The following GPC5 variants were observed in gnomAD, a reference collection of about 807,000 sequenced individuals.
The protein encoded by GPC5 is glypican-5.
GPC5 carries 47 observed loss-of-function variants against 53.9 expected under a neutral mutation model. The observed-to-expected ratio is 0.87, with a 90% confidence interval of 0.69 to 1.11. The LOEUF (loss-of-function observed/expected upper bound fraction) is 1.11. Among genes scored for constraint, GPC5 ranks in the 50% most tolerant of loss-of-function variants. The pLI, the probability that GPC5 is intolerant of heterozygous loss-of-function variation, is 0.00. For synonymous variants in GPC5, 286 were observed against 263.3 expected (o/e 1.09, Z -0.84); for missense variants, 748 against 713.1 (o/e 1.05, Z -0.56).
chr13:92,246,187 G>T (rs2042649453), intron 7 of GPC5, among the ~76,000 whole-genome samples: 1 of 152,102 alleles, frequency 6.6e-6, no homozygotes, highest in Non-Finnish European at 1.5e-5. Flanking sequence ...ACATAGGAAA[G>T]TCAAATTTAA....
In GPC5 at chr13:91,507,352, T is replaced by G. The variant is rs377676603; in HGVS notation, c.325+58430T>G. 1.1e-3 allele frequency among the ~76,000 whole-genome samples: 175 copies of G among 152,296 alleles called. 5 individuals carry two copies. In the South Asian group the frequency reaches 0.034, roughly 29 times the overall value. On this transcript the variant is annotated intron_variant, in intron 2 of 7. Coordinates refer to ENST00000377067, the MANE Select transcript of GPC5 (RefSeq NM_004466.6). The stretch of plus-strand genomic sequence containing the variant: ...CTGCTGATAAAGACATACCCGAGAC[T>G]GGGTAACTTACAAAATGAAGAGGTT...
intron 2 of GPC5, among the ~76,000 whole-genome samples, chr13:91,643,639 C>A (rs1219773441): frequency 6.6e-6 from 1 of 152,194 alleles, no homozygotes; most frequent in African/African-American, 2.4e-5. Context: ...GTTTTTGAGG[C>A]TGGGAAGTCC....
chr13:92,418,517 AAGAT>A (rs1317040261), intron 7 of GPC5, among the ~76,000 whole-genome samples: 1 of 152,200 alleles, frequency 6.6e-6, no homozygotes, highest in African/African-American at 2.4e-5. Context: ...TGAAAGGACA[AAGAT>A]AGAGATCCTG....
At chr13:91,437,297 A>T (rs948494616) in intron 1 of GPC5, among the ~76,000 whole-genome samples, 2 of 152,134 alleles carry the variant, frequency 1.3e-5, no homozygotes, top group African/African-American at 2.4e-5. Flanking sequence ...GGTCTTTACA[A>T]TTTGGCATGT....
chr13:91,879,955 A>G (rs1488017436), intron 5 of GPC5, among the ~76,000 whole-genome samples: 1 of 152,098 alleles, frequency 6.6e-6, no homozygotes, highest in South Asian at 2.1e-4. Context: ...TTTTTATATT[A>G]ACTTCATCAA....
chr13:91,487,127 A>G (rs1252276638), intron 2 of GPC5, among the ~76,000 whole-genome samples: 1 of 152,146 alleles, frequency 6.6e-6, no homozygotes, highest in Non-Finnish European at 1.5e-5. Flanking sequence ...AACTGACAAA[A>G]TGCAGATTAA....
chr13:92,281,867 C>T (rs2042918084), intron 7 of GPC5, among the ~76,000 whole-genome samples: 1 of 152,192 alleles, frequency 6.6e-6, no homozygotes, highest in South Asian at 2.1e-4. Flanking sequence ...AATGCAGCTC[C>T]TTGCCAGCAA....
intron 7 of GPC5, among the ~76,000 whole-genome samples, chr13:92,559,078 C>A (rs1566293348): frequency 1.3e-5 from 2 of 151,870 alleles, no homozygotes; most frequent in Non-Finnish European, 2.9e-5. Context: ...AGCAAGAGAC[C>A]AATGCCCACC....
intron 6 of GPC5, among the ~76,000 whole-genome samples, chr13:92,001,421 C>T (rs1229137447): frequency 6.6e-6 from 1 of 152,040 alleles, no homozygotes; most frequent in African/African-American, 2.4e-5. Context: ...AGAGATATAT[C>T]AAGATTCCAT....
intron 7 of GPC5, among the ~76,000 whole-genome samples, chr13:92,223,875 G>A (rs542499849): frequency 3.9e-5 from 6 of 152,140 alleles, no homozygotes; most frequent in Non-Finnish European, 7.4e-5. Context: ...TGGCCTTACC[G>A]CTGAGAAGCA....
At chr13:91,436,513 A>G (rs1879978848) in intron 1 of GPC5, among the ~76,000 whole-genome samples, 1 of 152,114 alleles carries the variant, frequency 6.6e-6, no homozygotes, top group Non-Finnish European at 1.5e-5. Flanking sequence ...GAGTTTCTTA[A>G]TCCTGAGTTC....
intron 5 of GPC5, among the ~76,000 whole-genome samples, chr13:91,784,144 G>A (rs2037840965): frequency 1.3e-5 from 2 of 151,918 alleles, no homozygotes; most frequent in Admixed American, 1.3e-4. Flanking sequence ...AAGAAAATGG[G>A]GTTTATTTAA....
chr13:91,925,571 C>T (rs2039759038), intron 6 of GPC5, among the ~76,000 whole-genome samples: 2 of 152,068 alleles, frequency 1.3e-5, no homozygotes, highest in Admixed American at 1.3e-4. Context: ...ATGCCTATTT[C>T]AGTTATGAAC....
chr13:92,513,320 A>G (rs1247410937), intron 7 of GPC5, among the ~76,000 whole-genome samples: 1 of 152,112 alleles, frequency 6.6e-6, no homozygotes, highest in Non-Finnish European at 1.5e-5. Flanking sequence ...TTTTTTGTCC[A>G]ATGTTTAGGT....
At chr13:92,119,537 C>A (rs2041630188) in intron 6 of GPC5, among the ~76,000 whole-genome samples, 1 of 144,602 alleles carries the variant, frequency 6.9e-6, no homozygotes, top group African/African-American at 2.5e-5. Flanking sequence ...GTAGCTGGGA[C>A]TACAAGGCGC....
intron 2 of GPC5, among the ~76,000 whole-genome samples, chr13:91,474,330 C>T (rs1465169649): frequency 6.6e-6 from 1 of 152,034 alleles, no homozygotes; most frequent in Non-Finnish European, 1.5e-5. Flanking sequence ...GGTTTCTTGT[C>T]TTTAGAGGAT....
At chr13:91,728,844 G>A (rs1447249372) in intron 4 of GPC5, among the ~76,000 whole-genome samples, 179 bp downstream of exon 4, 7 of 151,836 alleles carry the variant, frequency 4.6e-5, no homozygotes, top group Admixed American at 3.9e-4. Flanking sequence ...TGGAAGACAG[G>A]TTCCACTTAT....
At chr13:92,699,555 G>A (rs1476949997) in intron 7 of GPC5, among the ~76,000 whole-genome samples, 1 of 152,030 alleles carries the variant, frequency 6.6e-6, no homozygotes, top group East Asian at 1.9e-4. Context: ...GCTTTCTCTT[G>A]TGGGCATTTA....
chr13:92,249,417 T>C (rs1293516483), intron 7 of GPC5, among the ~76,000 whole-genome samples: 2 of 152,114 alleles, frequency 1.3e-5, no homozygotes, highest in Non-Finnish European at 2.9e-5. Context: ...GTGATCAGTA[T>C]CTCTCCAACT....
Sources: gnomAD v4.1 joint callset for allele counts (sites outside exome capture counted in the v4.1 genomes callset) on GRCh38, gnomAD v4.1.1 for gene constraint, MANE v1.5 for transcripts, NCBI Gene and HGNC (gene_info 2026-07-23, HGNC 2026-07-21) for gene names.